The following STT3B variants were observed in gnomAD, a reference collection of about 807,000 sequenced individuals.
STT3B encodes the protein STT3 oligosaccharyltransferase complex catalytic subunit B.
In STT3B, 29 loss-of-function variants were observed where a neutral mutation model predicts 96.8. The ratio of observed to expected loss-of-function variants is 0.30; its 90% confidence interval spans 0.22 to 0.41. The LOEUF is 0.41. Among genes scored for constraint, STT3B ranks in the 10% least tolerant of loss-of-function variants. The pLI is 1.00. For synonymous variants in STT3B, 367 were observed against 360.0 expected, an observed-to-expected ratio of 1.02 and a Z score of -0.22; for missense variants, 640 against 1,022.3, an observed-to-expected ratio of 0.63 and a Z score of 5.10.
intron 3 of STT3B, among the ~76,000 whole-genome samples, 186 bp downstream of exon 3, chr3:31,580,282 G>A (rs568925892): frequency 6.6e-6 from 1 of 152,218 alleles, no homozygotes; most frequent in South Asian, 2.1e-4. Context: ...CAAGTTATGT[G>A]TAAATATCCT....
chr3:31,622,037 A>T, intron 9 of STT3B, 60 bp from the exon 10 acceptor site: 1 of 1,361,506 alleles, frequency 7.3e-7, no homozygotes, highest in Non-Finnish European at 1.1e-6. Flanking sequence ...TTAAGTATCT[A>T]GTTCAGTTTC....
chr3:31,632,279 T>C (rs949209702), intron 14 of STT3B, among the ~76,000 whole-genome samples: 1 of 152,256 alleles, frequency 6.6e-6, no homozygotes, highest in African/African-American at 2.4e-5. Flanking sequence ...CAGAATGTAG[T>C]ATCTCTTACT....
Position 31,536,051 on chromosome 3 carries a change from C to CA in STT3B, c.314+2747dup, listed in dbSNP as rs202061607. ...CTTAATGAGAGAATCAGGTTTCAGACAAAAAAAATACCTTGTTCTTGTTTT... is the reference window on the plus strand; with the variant it reads ...CTTAATGAGAGAATCAGGTTTCAGACAAAAAAAAATACCTTGTTCTTGTTTT... On this transcript the variant is annotated intron_variant, in intron 1 of 15. Transcript: ENST00000295770. Among the ~76,000 whole-genome samples, 309 of 151,072 alleles carry CA rather than the reference C, an allele frequency of 2.0e-3. 2 individuals carry two copies. The East Asian group carries it at 0.033, about 16-fold the overall frequency.
intron 3 of STT3B, among the ~76,000 whole-genome samples, chr3:31,593,811 T>TA (rs1426557608): frequency 2.0e-5 from 3 of 152,182 alleles, no homozygotes; most frequent in Non-Finnish European, 2.9e-5. Context: ...ATTTTCTTAA[T>TA]ATAGTATTCT....
rs1005310805 is a variant in STT3B, at chr3:31,623,746, A to G, written c.1612A>G (p.Ile538Val). Reference protein sequence around the residue: ...EEGLGPNIKSIVTMLMLMLLM... With the variant: ...EEGLGPNIKSVVTMLMLMLLM... ...GGGATTAGGCCCTAATATAAAAAGC[A>G]TTGTCACCATGTTGATGCTGATGCT... Residue 538 changes from isoleucine to valine, a missense_variant, in exon 11 of 16, where the codon ATT (isoleucine) becomes GTT (valine). Physicochemically the swap from Ile to Val is conservative, Grantham distance 29. This residue lies in a region of STT3B where 149 missense variants were observed against 250.2 expected (regional missense o/e 0.60). Coordinates refer to ENST00000295770, the MANE Select transcript of STT3B (RefSeq NM_178862.3). 1.2e-6 allele frequency: 2 copies of G among 1,614,010 alleles called. No individual in the cohort carries two copies. The highest frequency in any genetic ancestry group is 1.3e-5 in the African/African-American group (1 of 75,030).
chr3:31,552,670 C>T lies in STT3B; in HGVS notation c.314+19358C>T, dbSNP rs549974302. 3.9e-5 allele frequency among the ~76,000 whole-genome samples: 6 copies of T among 152,220 alleles called. No individual in the cohort carries two copies. The South Asian group carries it at 1.0e-3, about 26-fold the overall frequency. ...TCTCCTCTTTTCCTGCCTTTTTGCTCAATAATTCATCCAGGTTTAAGTTAG... is the reference window on the plus strand; with the variant it reads ...TCTCCTCTTTTCCTGCCTTTTTGCTTAATAATTCATCCAGGTTTAAGTTAG... On this transcript the variant is annotated intron_variant, in intron 1 of 15. Transcript: ENST00000295770.
chr3:31,568,451 G>A (rs1426359377), intron 1 of STT3B, among the ~76,000 whole-genome samples: 1 of 152,076 alleles, frequency 6.6e-6, no homozygotes, highest in Non-Finnish European at 1.5e-5. Flanking sequence ...CTTCGTAGTG[G>A]CTGTGCTAAT....
chr3:31,580,240 G>A (rs1056523074), intron 3 of STT3B, 144 bp downstream of exon 3: 2 of 747,422 alleles, frequency 2.7e-6, no homozygotes, highest in Non-Finnish European at 4.3e-6. Context: ...ATTTAATAAT[G>A]GATAACATTT....
chr3:31,599,941 C>G (rs1446780414), intron 4 of STT3B, among the ~76,000 whole-genome samples: 2 of 152,068 alleles, frequency 1.3e-5, no homozygotes, highest in African/African-American at 4.8e-5. Flanking sequence ...TTTCATTGCT[C>G]TTACTCTCAG....
intron 15 of STT3B, among the ~76,000 whole-genome samples, chr3:31,635,545 C>T (rs1699740286): frequency 1.3e-5 from 2 of 152,188 alleles, no homozygotes; most frequent in Non-Finnish European, 2.9e-5. Context: ...CAGTCATCCT[C>T]ATTTTACAGA....
chr3:31,574,315 A>G (rs1416390209), intron 1 of STT3B, among the ~76,000 whole-genome samples: 1 of 152,028 alleles, frequency 6.6e-6, no homozygotes, highest in African/African-American at 2.4e-5. Context: ...TTGCTAATCC[A>G]GGTGTTTGGA....
intron 2 of STT3B, among the ~76,000 whole-genome samples, chr3:31,579,441 A>G (rs1320108549): frequency 1.3e-5 from 2 of 148,192 alleles, no homozygotes; most frequent in Non-Finnish European, 3.0e-5. Context: ...TAGAACTCCA[A>G]ACTCAAGGAT....
intron 5 of STT3B, among the ~76,000 whole-genome samples, chr3:31,610,670 C>T (rs1329004409): frequency 1.3e-5 from 2 of 152,180 alleles, no homozygotes; most frequent in Admixed American, 6.5e-5. Flanking sequence ...TCGTCCCACC[C>T]TTGGATATAA....
intron 1 of STT3B, among the ~76,000 whole-genome samples, chr3:31,554,090 GGTA>G (rs1266543840): frequency 6.6e-6 from 1 of 151,994 alleles, no homozygotes; most frequent in African/African-American, 2.4e-5. Context: ...TTTAAGTGTT[GGTA>G]GAGTAGTCTT....
intron 5 of STT3B, among the ~76,000 whole-genome samples, chr3:31,602,269 A>G (rs1698944968): frequency 1.3e-5 from 2 of 152,158 alleles, no homozygotes; most frequent in East Asian, 3.8e-4. Context: ...AGTAGTTGGG[A>G]TCCAGAAAGG....
At chr3:31,609,311 C>T (rs1156266257) in intron 5 of STT3B, among the ~76,000 whole-genome samples, 1 of 152,134 alleles carries the variant, frequency 6.6e-6, no homozygotes, top group Non-Finnish European at 1.5e-5. Flanking sequence ...GGTATAGTCA[C>T]TACTTAGCTC....
At chr3:31,635,883 GCTTA>G in intron 15 of STT3B, 97 bp from the exon 16 acceptor site, 3 of 758,914 alleles carry the variant, frequency 4.0e-6, no homozygotes, top group South Asian at 2.2e-5. Context: ...AGAGCAGAGA[GCTTA>G]CTAAGTCATC....
At chr3:31,594,717 G>C (rs1416620215) in intron 3 of STT3B, among the ~76,000 whole-genome samples, 2 of 152,200 alleles carry the variant, frequency 1.3e-5, no homozygotes, top group South Asian at 4.1e-4. Context: ...ACTGGGCCCA[G>C]CCCCCCTTCA....
At chr3:31,569,269 GACCT>G (rs1221668424) in intron 1 of STT3B, among the ~76,000 whole-genome samples, 1 of 152,130 alleles carries the variant, frequency 6.6e-6, no homozygotes, top group African/African-American at 2.4e-5. Context: ...TGAGTTTACA[GACCT>G]AAGCCACTAC....
Sources: gnomAD v4.1 joint callset for allele counts (sites outside exome capture counted in the v4.1 genomes callset) on GRCh38, gnomAD v4.1.1 for gene constraint, gnomAD v4.1.1 regional missense constraint, MANE v1.5 for transcripts, NCBI Gene and HGNC (gene_info 2026-07-23, HGNC 2026-07-21) for gene names.